Variants in B3GLCT observed in about 807,000 individuals in gnomAD.
The protein encoded by B3GLCT is beta 3-glucosyltransferase.
B3GLCT carries 65 observed loss-of-function variants against 63.4 expected under a neutral mutation model. The ratio of observed to expected loss-of-function variants is 1.03; its 90% CI spans 0.84 to 1.26. The LOEUF is 1.26. B3GLCT is among the 50% of genes most tolerant of loss of function. The pLI is 0.00. For missense variants in B3GLCT, 577 were observed against 604.8 expected (o/e 0.95, Z 0.48); for synonymous variants, 233 against 219.2 (o/e 1.06, Z -0.55).
At chr13:31,210,616 C>A (rs887239913) in intron 1 of B3GLCT, among the ~76,000 whole-genome samples, 2 of 152,226 alleles carry the variant, frequency 1.3e-5, no homozygotes, top group African/African-American at 4.8e-5. Context: ...TTTGCACCAT[C>A]TCTCTTTCAT....
chr13:31,262,128 G>A (rs921178834), intron 7 of B3GLCT, among the ~76,000 whole-genome samples: 5 of 151,136 alleles, frequency 3.3e-5, no homozygotes, highest in Admixed American at 2.6e-4. Context: ...GCAGTTGACA[G>A]CGGCTTCCTG....
At chr13:31,219,139 A>G (rs1298936784) in intron 2 of B3GLCT, among the ~76,000 whole-genome samples, 1 of 152,166 alleles carries the variant, frequency 6.6e-6, no homozygotes, top group East Asian at 1.9e-4. Flanking sequence ...CAGAGACACA[A>G]CAAAAAAAGA....
chr13:31,231,596 G>A (rs1283302303), intron 4 of B3GLCT, among the ~76,000 whole-genome samples: 1 of 152,106 alleles, frequency 6.6e-6, no homozygotes, highest in Non-Finnish European at 1.5e-5. Flanking sequence ...CTGTGCAAAT[G>A]GATATTCATT....
chr13:31,286,583 T>C (rs997025751), intron 11 of B3GLCT, 137 bp from the exon 12 acceptor site: 1 of 616,730 alleles, frequency 1.6e-6, no homozygotes, highest in Middle Eastern at 4.5e-4. Context: ...AGAAGGCTAT[T>C]TTTAAAAATT....
intron 12 of B3GLCT, among the ~76,000 whole-genome samples, chr13:31,308,347 T>TTAAAAAAAAA (rs1450252463): frequency 1.7e-4 from 4 of 23,686 alleles, no homozygotes; most frequent in Non-Finnish European, 2.4e-4. Flanking sequence ...AAAAAAAAAT[T>TTAAAAAAAAA]AAAAAAAAAA....
At chr13:31,211,971 C>T (rs1869283045) in intron 1 of B3GLCT, among the ~76,000 whole-genome samples, 1 of 152,140 alleles carries the variant, frequency 6.6e-6, no homozygotes, top group South Asian at 2.1e-4. Context: ...TAAAAGCAAA[C>T]ACTGTTATTA....
At chr13:31,273,809 G>T (rs982063653) in intron 8 of B3GLCT, among the ~76,000 whole-genome samples, 1 of 152,152 alleles carries the variant, frequency 6.6e-6, no homozygotes, top group Non-Finnish European at 1.5e-5. Context: ...AAATTAGGGA[G>T]GCCTGGCTTT....
intron 7 of B3GLCT, among the ~76,000 whole-genome samples, chr13:31,267,023 A>G (rs1872357648): frequency 6.6e-6 from 1 of 152,180 alleles, no homozygotes. Context: ...CCCACGCCTC[A>G]GCCTCCCAAA....
At chr13:31,284,297 A>G (rs1593296254) in intron 10 of B3GLCT, among the ~76,000 whole-genome samples, 1 of 152,272 alleles carries the variant, frequency 6.6e-6, no homozygotes, top group East Asian at 1.9e-4. Flanking sequence ...CCACGGTAAG[A>G]GGGATGGATT....
At chr13:31,290,388 A>T (rs1039639238) in intron 12 of B3GLCT, among the ~76,000 whole-genome samples, 9 of 152,146 alleles carry the variant, frequency 5.9e-5, no homozygotes, top group Admixed American at 3.9e-4. Flanking sequence ...CAATAATGGG[A>T]TTGCTAGGTC....
Position 31,330,353 on chromosome 13 carries a change from T to A in B3GLCT, c.*685T>A, listed in dbSNP as rs1310912323. Reference sequence around the variant, plus strand: ...TAGAGCTTCGTATTGCTTTGGAAGTTCATCTGTGTTTTATTTCTCCCTGAA... The same window carrying A: ...TAGAGCTTCGTATTGCTTTGGAAGTACATCTGTGTTTTATTTCTCCCTGAA... On this transcript the variant is annotated 3_prime_UTR_variant, in exon 15 of 15. Transcript: ENST00000343307. 6.6e-6 allele frequency: 1 copy of A among 152,230 alleles called. No individual in the cohort carries two copies. Among genetic ancestry groups the A allele is most frequent in the East Asian group, 1.9e-4 (1 of 5,194 alleles). The allele number at this position is 152,230 out of a possible 1,614,324, so 9.4% of individuals were successfully genotyped here. A position where few individuals can be genotyped will look rare whatever the true frequency, so the allele number is the denominator to read the frequency against.
chr13:31,229,662 C>G (rs962188814), intron 4 of B3GLCT, among the ~76,000 whole-genome samples: 22 of 151,718 alleles, frequency 1.5e-4, no homozygotes, highest in African/African-American at 5.3e-4. Flanking sequence ...AGAAGAATCG[C>G]TTGAACCCAG....
chr13:31,281,931 ATCT>A (rs1427433958), intron 10 of B3GLCT, among the ~76,000 whole-genome samples: 1 of 152,234 alleles, frequency 6.6e-6, no homozygotes, highest in Non-Finnish European at 1.5e-5. Context: ...AGTGAGACAC[ATCT>A]TCTGCTTAGA....
At chr13:31,225,767 C>G (rs560013789) in intron 3 of B3GLCT, among the ~76,000 whole-genome samples, 1 of 152,246 alleles carries the variant, frequency 6.6e-6, no homozygotes, top group South Asian at 2.1e-4. Flanking sequence ...CTTTTTTCCC[C>G]CATCTTCGGG....
intron 8 of B3GLCT, 147 bp from the exon 9 acceptor site, chr13:31,274,362 A>G: frequency 2.1e-6 from 2 of 960,184 alleles, no homozygotes; most frequent in Non-Finnish European, 1.6e-6. Flanking sequence ...TAAGTTTAGG[A>G]AGTCCTGTTG....
At chr13:31,220,937 A>G (rs892120682) in intron 2 of B3GLCT, among the ~76,000 whole-genome samples, 12 of 152,240 alleles carry the variant, frequency 7.9e-5, no homozygotes, top group Admixed American at 2.0e-4. Context: ...TTTGCTTTCT[A>G]TATTATTTTT....
intron 7 of B3GLCT, among the ~76,000 whole-genome samples, chr13:31,261,542 G>A (rs1262342552): frequency 6.6e-6 from 1 of 152,182 alleles, no homozygotes; most frequent in Non-Finnish European, 1.5e-5. Context: ...ACAGCTAGTG[G>A]AAGGTACTAT....
At chr13:31,214,129 G>C (rs909651761) in intron 1 of B3GLCT, among the ~76,000 whole-genome samples, 4 of 152,172 alleles carry the variant, frequency 2.6e-5, no homozygotes, top group Non-Finnish European at 5.9e-5. Flanking sequence ...CCCCTCTGCT[G>C]ACACTCCTTG....
At chr13:31,212,515 C>T (rs1453291663) in intron 1 of B3GLCT, among the ~76,000 whole-genome samples, 2 of 152,086 alleles carry the variant, frequency 1.3e-5, no homozygotes, top group African/African-American at 4.8e-5. Context: ...CCTCGTGATC[C>T]GCCCACCTCG....
Sources: allele counts gnomAD v4.1 joint callset (sites outside exome capture counted in the v4.1 genomes callset), GRCh38; gene constraint gnomAD v4.1.1; transcripts MANE v1.5; gene names NCBI Gene and HGNC (gene_info 2026-07-23, HGNC 2026-07-21).